ERG: variants seen among roughly 807,000 people sequenced by gnomAD.
The protein encoded by ERG is ETS transcription factor ERG.
A neutral mutation model predicts 55.3 loss-of-function variants in ERG; 9 were observed. The observed-to-expected ratio is 0.16, with a 90% CI of 0.10 to 0.28. ERG has a LOEUF of 0.28. ERG is among the 10% of genes least tolerant of loss of function. The pLI, the probability that ERG is intolerant of heterozygous loss-of-function variation, is 1.00. For synonymous variants in ERG, 223 were observed against 237.3 expected (o/e 0.94, Z 0.55); for missense variants, 434 against 631.6 (o/e 0.69, Z 3.35).
intron 2 of ERG, among the ~76,000 whole-genome samples, chr21:38,443,893 T>A (rs1317990605): frequency 6.6e-6 from 1 of 152,236 alleles, no homozygotes; most frequent in East Asian, 1.9e-4. Context: ...AGATTCAAGA[T>A]GGGCCTGCCT....
intron 1 of ERG, among the ~76,000 whole-genome samples, chr21:38,468,767 C>T (rs1053971843): frequency 6.6e-6 from 1 of 151,992 alleles, no homozygotes; most frequent in African/African-American, 2.4e-5. Flanking sequence ...AGGCGGATCA[C>T]GAGGTCAGGA....
rs1315122072 is a variant in ERG at position 38,618,430 on chromosome 21, G to A, written c.-149-33485C>T. ...ATCACAAAGTAACGTGGAGCAGATTGACTCTAATAGACCTTTTCTGGCCCC... is the reference window on the plus strand; with the variant it reads ...ATCACAAAGTAACGTGGAGCAGATTAACTCTAATAGACCTTTTCTGGCCCC... On this transcript the variant is annotated intron_variant, in intron 1 of 10. Coordinates refer to the ERG transcript ENST00000398910. 2.0e-5 allele frequency among the ~76,000 whole-genome samples: 3 copies of A among 152,322 alleles called. No homozygotes were observed. The East Asian group carries it at 5.8e-4, about 29-fold the overall frequency.
chr21:38,577,951 G>A (rs2060004961), intron 1 of ERG, among the ~76,000 whole-genome samples: 1 of 152,216 alleles, frequency 6.6e-6, no homozygotes, highest in Non-Finnish European at 1.5e-5. Context: ...ACAGCAGAGG[G>A]AAGGTTTCAG....
At chr21:38,539,031 C>T (rs1304379490) in intron 2 of ERG, among the ~76,000 whole-genome samples, 2 of 152,302 alleles carry the variant, frequency 1.3e-5, no homozygotes. Context: ...AGTTTTCTCA[C>T]TCATAAAATG....
chr21:38,563,801 C>G (rs1347522359), intron 2 of ERG, among the ~76,000 whole-genome samples: 4 of 152,196 alleles, frequency 2.6e-5, no homozygotes, highest in Admixed American at 1.3e-4. Context: ...CACAGATAAT[C>G]CTTACATAGT....
chr21:38,509,141 A>G (rs2059492239), intron 2 of ERG, among the ~76,000 whole-genome samples: 1 of 152,176 alleles, frequency 6.6e-6, no homozygotes, highest in Non-Finnish European at 1.5e-5. Context: ...ACCATGAGAG[A>G]TTCTAAATAA....
At chr21:38,493,990 G>A (rs2059359561) in intron 1 of ERG, among the ~76,000 whole-genome samples, 1 of 152,194 alleles carries the variant, frequency 6.6e-6, no homozygotes, top group African/African-American at 2.4e-5. Flanking sequence ...GCGGGGGGGC[G>A]TCTGATGGCA....
chr21:38,372,553 G>T, the ERG span, among the ~76,000 whole-genome samples: 1 of 151,204 alleles, frequency 6.6e-6, no homozygotes, highest in Non-Finnish European at 1.5e-5. Flanking sequence ...AAATCATATT[G>T]TCTAAATTAC....
intron 1 of ERG, among the ~76,000 whole-genome samples, chr21:38,659,195 A>G (rs1246185237): frequency 6.6e-6 from 1 of 152,226 alleles, no homozygotes; most frequent in Non-Finnish European, 1.5e-5. Flanking sequence ...GGCAAATAGC[A>G]TTTGTGATGT....
At chr21:38,449,224 G>A (rs1415996373) in intron 1 of ERG, 1 of 152,220 alleles carries the variant, frequency 6.6e-6, no homozygotes, top group East Asian at 1.9e-4. Flanking sequence ...AAAAAGACCT[G>A]AACTTTAGAT....
intron 3 of ERG, among the ~76,000 whole-genome samples, chr21:38,410,918 AAAAAAACATC>A (rs1201066664): frequency 5.3e-5 from 8 of 152,250 alleles, no homozygotes; most frequent in Non-Finnish European, 1.0e-4. Flanking sequence ...CTTGGTTATG[AAAAAAACATC>A]AAAAAATAAA....
At chr21:38,637,960 G>A (rs1048810278) in intron 1 of ERG, among the ~76,000 whole-genome samples, 1 of 152,208 alleles carries the variant, frequency 6.6e-6, no homozygotes, top group African/African-American at 2.4e-5. Flanking sequence ...TAACTGAGTG[G>A]ATTGAAGAGC....
intron 2 of ERG, among the ~76,000 whole-genome samples, chr21:38,555,426 C>A (rs1040124612): frequency 6.6e-6 from 1 of 151,702 alleles, no homozygotes; most frequent in Non-Finnish European, 1.5e-5. Context: ...CAAAAATTTT[C>A]TATTTTCAAT....
intron 1 of ERG, among the ~76,000 whole-genome samples, chr21:38,640,372 T>C (rs1001748111): frequency 1.3e-5 from 2 of 152,188 alleles, no homozygotes; most frequent in Non-Finnish European, 2.9e-5. Flanking sequence ...ATGAGCTAAA[T>C]TCTCATCTAC....
chr21:38,421,928 C>T (rs892383938), intron 3 of ERG, among the ~76,000 whole-genome samples: 9 of 152,232 alleles, frequency 5.9e-5, no homozygotes, highest in African/African-American at 2.2e-4. Flanking sequence ...TTTTGGCTCA[C>T]TGCAACCTCT....
chr21:38,392,698 A>AT (rs1267946418), intron 6 of ERG, among the ~76,000 whole-genome samples: 1 of 152,160 alleles, frequency 6.6e-6, no homozygotes, highest in Non-Finnish European at 1.5e-5. Flanking sequence ...AACTCTTCTA[A>AT]TTTCCTACAA....
chr21:38,523,772 G>A (rs1004883913), intron 2 of ERG, among the ~76,000 whole-genome samples: 1 of 152,192 alleles, frequency 6.6e-6, no homozygotes, highest in Non-Finnish European at 1.5e-5. Flanking sequence ...TAATTTGAAA[G>A]GAATTCATTC....
chr21:38,588,859 G>C (rs575684156), upstream of ERG, among the ~76,000 whole-genome samples: 74 of 151,700 alleles, frequency 4.9e-4, 1 homozygote, highest in African/African-American at 1.7e-3. Flanking sequence ...TCAGACTATA[G>C]GAAAAAGAGT....
intron 2 of ERG, among the ~76,000 whole-genome samples, chr21:38,570,472 C>T (rs1472220373): frequency 1.3e-5 from 2 of 152,184 alleles, no homozygotes; most frequent in African/African-American, 2.4e-5. Flanking sequence ...GCTCATGTTG[C>T]TCCATAGGTA....
Sources: gnomAD v4.1 joint callset for allele counts (sites outside exome capture counted in the v4.1 genomes callset) on GRCh38, gnomAD v4.1.1 for gene constraint, MANE v1.5 for transcripts, NCBI Gene and HGNC (gene_info 2026-07-23, HGNC 2026-07-21) for gene names.